Variants in DOCK5 observed in about 807,000 individuals in gnomAD.
The protein encoded by DOCK5 is dedicator of cytokinesis protein 5.
In DOCK5, 142 loss-of-function variants were observed where a neutral mutation model predicts 251.8. The observed-to-expected ratio is 0.56, with a 90% CI of 0.49 to 0.65. The LOEUF (loss-of-function observed/expected upper bound fraction) is 0.65, where lower values mean the gene tolerates loss of function less well. Among genes scored for constraint, DOCK5 ranks in the 30% least tolerant of loss-of-function variants. DOCK5 has a pLI of 0.00. For synonymous variants in DOCK5, 842 were observed against 835.5 expected (o/e 1.01, Z -0.13); for missense variants, 2,111 against 2,312.3 (o/e 0.91, Z 1.79).
chr8:25,285,149 T>C (rs984752439), intron 5 of DOCK5, among the ~76,000 whole-genome samples: 5 of 150,332 alleles, frequency 3.3e-5, no homozygotes, highest in African/African-American at 1.2e-4. Context: ...GAATTTATTA[T>C]TATTTTTTTT....
At chr8:25,298,573 C>G (rs1804676699) in intron 7 of DOCK5, among the ~76,000 whole-genome samples, 1 of 152,110 alleles carries the variant, frequency 6.6e-6, no homozygotes, top group African/African-American at 2.4e-5. Flanking sequence ...CGGGTGTTAT[C>G]TGTGTTTTGT....
chr8:25,252,948 C>T (rs1441428991), intron 2 of DOCK5, among the ~76,000 whole-genome samples: 1 of 152,158 alleles, frequency 6.6e-6, no homozygotes, highest in Non-Finnish European at 1.5e-5. Flanking sequence ...TTTCATGCCT[C>T]AGCCTCCCGA....
Position 25,389,121 on chromosome 8 carries a change from T to A in DOCK5, c.4162T>A (p.Tyr1388Asn). 6.2e-7 allele frequency: 1 copy of A among 1,613,770 alleles called. No homozygotes were observed. Among genetic ancestry groups the A allele is most frequent in the Non-Finnish European group, 8.5e-7 (1 of 1,179,834 alleles). Residue 1388 changes from tyrosine to asparagine, a missense_variant, in exon 41 of 52, where the codon TAT (tyrosine) becomes AAT (asparagine). Around this residue, in one of 3 missense-constraint regions of DOCK5, gnomAD observed 1,717 missense variants for 1,892.4 expected, o/e 0.91. Transcript: ENST00000276440. ...AATCTTCATCTATCGGGGAAAGGAGTATGAGAGGCGAGAGGACTTCAGCCT... is the reference window on the plus strand; with the variant it reads ...AATCTTCATCTATCGGGGAAAGGAGAATGAGAGGCGAGAGGACTTCAGCCT... ...NKIFIYRGKE[Y>N]ERREDFSLRL... is the part of the protein sequence containing the mutation.
intron 42 of DOCK5, 21 bp from the exon 43 acceptor site, chr8:25,391,875 C>T (rs1191419423): frequency 6.2e-7 from 1 of 1,610,274 alleles, no homozygotes; most frequent in Non-Finnish European, 8.5e-7. Flanking sequence ...AAAAATACAG[C>T]ATTGCTTTGT....
chr8:25,187,237 A>C (rs1053274978), intron 1 of DOCK5, among the ~76,000 whole-genome samples: 2 of 145,458 alleles, frequency 1.4e-5, no homozygotes, highest in African/African-American at 5.3e-5. Context: ...ATACGTATAT[A>C]TATATATACA....
chr8:25,395,830 T>C, intron 45 of DOCK5, 111 bp downstream of exon 45: 3 of 1,271,128 alleles, frequency 2.4e-6, no homozygotes, highest in Non-Finnish European at 3.4e-6. Context: ...CTCTAAGAAA[T>C]GTTCACTTTC....
intron 2 of DOCK5, among the ~76,000 whole-genome samples, chr8:25,262,615 G>C (rs1487656717): frequency 6.6e-6 from 1 of 152,086 alleles, no homozygotes; most frequent in Non-Finnish European, 1.5e-5. Context: ...CGAAAAACAG[G>C]AGACCCTTCT....
chr8:25,410,297 C>G, intron 51 of DOCK5, 95 bp downstream of exon 51: 1 of 1,028,364 alleles, frequency 9.7e-7, no homozygotes. Flanking sequence ...CAGGTTTGCT[C>G]ATAGACCTGT....
chr8:25,332,548 G>C, intron 19 of DOCK5, 55 bp from the exon 20 acceptor site: 1 of 1,445,192 alleles, frequency 6.9e-7, no homozygotes, highest in Admixed American at 2.1e-5. Context: ...AGATTTCTGT[G>C]GTGTGGGGCT....
Position 25,373,629 on chromosome 8 carries a change from A to G in DOCK5, c.3696A>G (p.Lys1232=), listed in dbSNP as rs1238605239. 4 of 1,596,086 alleles carry G rather than the reference A, an allele frequency of 2.5e-6. No homozygotes were observed. In the African/African-American group the frequency reaches 5.4e-5, roughly 21 times the overall value. ...SCTVNVLNFY[K]EKKREDIYIR... Reference sequence around the variant, plus strand: ...TTTTTTCCTGGCAGAACTTTTATAAAGAAAAGAAGAGAGAGGACATATACA... The same window carrying G: ...TTTTTTCCTGGCAGAACTTTTATAAGGAAAAGAAGAGAGAGGACATATACA... Residue 1232 remains lysine (K), a synonymous_variant, in exon 36 of 52, where the codon AAA becomes AAG. Transcript: ENST00000276440.
At chr8:25,406,732 A>G (rs113990692) in intron 48 of DOCK5, among the ~76,000 whole-genome samples, 28,731 of 151,680 alleles carry the variant, frequency 0.19, 2,968 homozygotes, top group East Asian at 0.25. Flanking sequence ...GGTTCAAGCT[A>G]TTCTCCTGCC....
At chr8:25,265,335 A>G (rs1464018079) in intron 2 of DOCK5, among the ~76,000 whole-genome samples, 3 of 151,892 alleles carry the variant, frequency 2.0e-5, no homozygotes, top group East Asian at 3.9e-4. Context: ...GCCTCTCCCC[A>G]TTTCAGTCTC....
intron 1 of DOCK5, among the ~76,000 whole-genome samples, chr8:25,229,194 G>T (rs1304381889): frequency 6.6e-6 from 1 of 152,084 alleles, no homozygotes; most frequent in African/African-American, 2.4e-5. Flanking sequence ...TAAACAAATT[G>T]CTTGGAGCCA....
At chr8:25,326,318 C>T (rs1401325977) in intron 18 of DOCK5, among the ~76,000 whole-genome samples, 1 of 152,026 alleles carries the variant, frequency 6.6e-6, no homozygotes, top group Non-Finnish European at 1.5e-5. Context: ...AGAGCTCTGC[C>T]TTAAGGGGTG....
intron 1 of DOCK5, among the ~76,000 whole-genome samples, chr8:25,227,186 C>T (rs949580814): frequency 3.9e-5 from 6 of 152,144 alleles, no homozygotes; most frequent in African/African-American, 9.7e-5. Context: ...GAGCAGCTCA[C>T]GTTCACACCA....
intron 25 of DOCK5, among the ~76,000 whole-genome samples, chr8:25,343,686 T>C (rs1208287703): frequency 1.3e-5 from 2 of 152,216 alleles, no homozygotes; most frequent in African/African-American, 2.4e-5. Context: ...ACAGGAGAGC[T>C]GGTTACATGC....
chr8:25,220,012 T>C (rs889255779), intron 1 of DOCK5, among the ~76,000 whole-genome samples: 6 of 149,366 alleles, frequency 4.0e-5, no homozygotes, highest in African/African-American at 9.9e-5. Flanking sequence ...TCTTCTTCTT[T>C]TTTTTTTGTC....
chr8:25,396,822 C>T (rs1410811907), intron 45 of DOCK5, among the ~76,000 whole-genome samples: 2 of 149,722 alleles, frequency 1.3e-5, no homozygotes, highest in African/African-American at 2.5e-5. Context: ...AGGAGCTTTG[C>T]ACTCAGTTGC....
chr8:25,270,567 A>G (rs1586282266), intron 3 of DOCK5, among the ~76,000 whole-genome samples: 1 of 152,244 alleles, frequency 6.6e-6, no homozygotes, highest in South Asian at 2.1e-4. Context: ...TTTAAAAACA[A>G]TAAACAAAAA....
Sources: allele counts gnomAD v4.1 joint callset (sites outside exome capture counted in the v4.1 genomes callset), GRCh38; gene constraint gnomAD v4.1.1; regional missense constraint gnomAD v4.1.1; transcripts MANE v1.5; gene names NCBI Gene and HGNC (gene_info 2026-07-23, HGNC 2026-07-21).